Variants in LY96 observed in about 807,000 individuals in gnomAD.
LY96 encodes the protein myeloid differentiation protein-2.
In LY96, 18 loss-of-function variants were observed where a neutral mutation model predicts 18.9. The ratio of observed to expected loss-of-function variants is 0.95; its 90% CI spans 0.66 to 1.41. The LOEUF is 1.41. Among genes scored for constraint, LY96 ranks in the 40% most tolerant of loss-of-function variants. LY96 has a pLI of 0.00. For synonymous variants in LY96, 66 were observed against 62.6 expected (o/e 1.06, Z -0.26); for missense variants, 175 against 182.4 (o/e 0.96, Z 0.23).
chr8:74,058,019 C>T, the LY96 span, among the ~76,000 whole-genome samples: 23 of 152,240 alleles, frequency 1.5e-4, no homozygotes, highest in East Asian at 3.5e-3. Flanking sequence ...TTCAATACTT[C>T]GTGAGCCTAA....
At chr8:74,070,910 T>G in the LY96 span, among the ~76,000 whole-genome samples, 1 of 152,180 alleles carries the variant, frequency 6.6e-6, no homozygotes, top group East Asian at 1.9e-4. Flanking sequence ...CTGGGTACCT[T>G]GTGCACCATA....
the LY96 span, among the ~76,000 whole-genome samples, chr8:74,088,261 C>T: frequency 2.0e-5 from 3 of 152,172 alleles, no homozygotes; most frequent in African/African-American, 7.2e-5. Context: ...CCCCATGACA[C>T]TTTGCCAGCA....
the LY96 span, among the ~76,000 whole-genome samples, chr8:74,045,329 C>T: frequency 2.6e-5 from 4 of 152,136 alleles, no homozygotes; most frequent in African/African-American, 9.7e-5. Flanking sequence ...AAAATAAAAA[C>T]ACGAAGGCTA....
intron 2 of LY96, 40 bp downstream of exon 2, chr8:74,004,925 G>A (rs752296413): frequency 1.9e-6 from 3 of 1,553,392 alleles, no homozygotes; most frequent in South Asian, 2.2e-5. Flanking sequence ...AATCAAAGGA[G>A]TTAAGAAATA....
chr8:74,081,149 CTTTCT>C, the LY96 span, among the ~76,000 whole-genome samples: 2 of 143,146 alleles, frequency 1.4e-5, no homozygotes, highest in African/African-American at 2.6e-5. Context: ...TTCCTTCTTT[CTTTCT>C]TTCTTTCTTT....
Position 74,010,134 on chromosome 8 carries a change from G to A in LY96, c.331+5G>A. 6.2e-7 allele frequency: 1 copy of A among 1,610,562 alleles called. No homozygotes were observed. Among genetic ancestry groups the A allele is most frequent in the Non-Finnish European group, 8.5e-7 (1 of 1,177,016 alleles). ...TTTGCAGAGCTCTGAAGGGAGGTAA[G>A]TATTCAGTTCATATTACTTTTAGAA... On this transcript the variant is annotated splice_donor_5th_base_variant and intron_variant, in intron 3 of 4. Transcript: ENST00000284818.
chr8:74,094,263 GTGTGTGTGTGTC>G, the LY96 span, among the ~76,000 whole-genome samples: 1 of 152,016 alleles, frequency 6.6e-6, no homozygotes, highest in African/African-American at 2.4e-5. Context: ...GTATGTGTGT[GTGTGTGTGTGTC>G]TGTGTGTGTA....
In LY96 at chr8:74,010,117, G is replaced by A; in HGVS notation, c.319G>A (p.Ala107Thr). 6.2e-7 allele frequency: 1 copy of A among 1,612,978 alleles called. No individual in the cohort carries two copies. The highest frequency in any genetic ancestry group is 8.5e-7 in the Non-Finnish European group (1 of 1,179,180). Residue 107 changes from alanine to threonine, a missense_variant, in exon 3 of 5, where the codon GCT becomes ACT. Physicochemically the swap from Ala to Thr is moderately conservative, Grantham distance 58 (BLOSUM62 0). Coordinates refer to ENST00000284818, the MANE Select transcript of LY96 (RefSeq NM_015364.5). ...TGATGACGATTACTCTTTTTGCAGA[G>A]CTCTGAAGGGAGGTAAGTATTCAGT... is the stretch of plus-strand genomic sequence containing the variant. ...GSDDDYSFCRALKGETVNTTI... is the reference protein window; with the variant it reads ...GSDDDYSFCRTLKGETVNTTI...
At chr8:74,025,654 CAAAA>C (rs574843103) in intron 3 of LY96, among the ~76,000 whole-genome samples, 1 of 68,786 alleles carries the variant, frequency 1.5e-5, no homozygotes, top group Non-Finnish European at 3.1e-5. Context: ...AACTCCGTCT[CAAAA>C]AAAAAAAAAA....
chr8:74,049,049 A>G, the LY96 span, among the ~76,000 whole-genome samples: 1 of 152,162 alleles, frequency 6.6e-6, no homozygotes, highest in Non-Finnish European at 1.5e-5. Flanking sequence ...GAGGACACCT[A>G]GTGGTCCCTG....
the LY96 span, among the ~76,000 whole-genome samples, chr8:74,036,709 C>T: frequency 6.6e-6 from 1 of 152,178 alleles, no homozygotes; most frequent in African/African-American, 2.4e-5. Flanking sequence ...AACTCCAGTT[C>T]TCCTTCATAT....
At chr8:74,051,213 T>A in the LY96 span, among the ~76,000 whole-genome samples, 1 of 152,132 alleles carries the variant, frequency 6.6e-6, no homozygotes, top group East Asian at 1.9e-4. Flanking sequence ...GAAGAGCTTG[T>A]TTCCTTAGTG....
the LY96 span, among the ~76,000 whole-genome samples, chr8:74,082,945 T>A: frequency 6.6e-6 from 1 of 152,160 alleles, no homozygotes; most frequent in African/African-American, 2.4e-5. Context: ...TGTGATCTGC[T>A]TCAGGGGAGA....
At chr8:74,060,493 ACTC>A in the LY96 span, among the ~76,000 whole-genome samples, 1 of 152,108 alleles carries the variant, frequency 6.6e-6, no homozygotes, top group Admixed American at 6.5e-5. Flanking sequence ...TAGACAGTGA[ACTC>A]CTAGAGAGGA....
rs1185377639 is a variant in LY96 at position 74,002,046 on chromosome 8, C to T, written c.113-2750C>T. ...TCCTTCCTTCCTTCCTTCCTTCCTT[C>T]CTTCCTTCCTTCCTTCCTTCCTTCC... is the stretch of plus-strand genomic sequence containing the variant. On this transcript the variant is annotated intron_variant, in intron 1 of 4. Coordinates refer to ENST00000284818, the MANE Select transcript of LY96 (RefSeq NM_015364.5). Among the ~76,000 whole-genome samples, 99 of 28,272 alleles carry T rather than the reference C, an allele frequency of 3.5e-3. 6 individuals carry two copies. The highest frequency in any genetic ancestry group is 0.032 in the Middle Eastern group (2 of 62). 18.5% of individuals were successfully genotyped at this position (28,272 alleles called of 152,430 possible). A position where few individuals can be genotyped will look rare whatever the true frequency, so the allele number is the denominator to read the frequency against.
At chr8:74,092,130 A>G in the LY96 span, among the ~76,000 whole-genome samples, 18 of 152,196 alleles carry the variant, frequency 1.2e-4, no homozygotes, top group African/African-American at 4.3e-4. Context: ...TTACCTGGCT[A>G]TAATTCATAT....
At chr8:73,996,025 G>A (rs1022279466) in intron 1 of LY96, among the ~76,000 whole-genome samples, 1 of 152,180 alleles carries the variant, frequency 6.6e-6, no homozygotes, top group Admixed American at 6.5e-5. Flanking sequence ...AGCCAGATGT[G>A]ATGGCACTCA....
chr8:74,033,663 ACAT>A (rs1289918092), downstream of LY96, among the ~76,000 whole-genome samples: 1 of 152,214 alleles, frequency 6.6e-6, no homozygotes, highest in Non-Finnish European at 1.5e-5. Context: ...TGAACAAAGG[ACAT>A]CTTGTTTGGA....
Position 73,996,381 on chromosome 8 carries a change from C to A in LY96, c.112+4827C>A, listed in dbSNP as rs1285363310. 7.8e-3 allele frequency among the ~76,000 whole-genome samples: 330 copies of A among 42,268 alleles called. 2 individuals are homozygous for A. Among genetic ancestry groups the A allele is most frequent in the Non-Finnish European group, 0.01 (230 of 22,054 alleles). 27.7% of individuals were successfully genotyped at this position (42,268 alleles called of 152,430 possible). ...CCTTCCTTCCTTCATTCCTTTCTTT[C>A]TTTCTTTCTTTCTTTCTTTCTTTCT... On this transcript the variant is annotated intron_variant, in intron 1 of 4. Coordinates refer to ENST00000284818, the MANE Select transcript of LY96 (RefSeq NM_015364.5).
Sources: gnomAD v4.1 joint callset for allele counts (sites outside exome capture counted in the v4.1 genomes callset) on GRCh38, gnomAD v4.1.1 for gene constraint, MANE v1.5 for transcripts, NCBI Gene and HGNC (gene_info 2026-07-23, HGNC 2026-07-21) for gene names.